SLC39A14: variants seen among roughly 807,000 people sequenced by gnomAD.
SLC39A14 encodes the protein solute carrier family 39 member 14, also known as metal cation symporter ZIP14.
Under a neutral mutation model 45.5 loss-of-function variants are expected in SLC39A14, and 19 were observed. That is an observed-to-expected ratio of 0.42 (90% CI 0.29 to 0.61). SLC39A14 has a LOEUF of 0.61. Ranked by LOEUF, SLC39A14 falls within the 20% of genes least tolerant of loss-of-function variation. The pLI is 0.22. For synonymous variants in SLC39A14, 264 were observed against 251.3 expected (o/e 1.05, Z -0.48); for missense variants, 447 against 616.5 (o/e 0.73, Z 2.91).
At chr8:22,379,944 A>G (rs1346437847) in intron 1 of SLC39A14, among the ~76,000 whole-genome samples, 23 of 135,938 alleles carry the variant, frequency 1.7e-4, no homozygotes, top group East Asian at 9.9e-4. Flanking sequence ...AAAAAAAAAA[A>G]AAAGAAAAGA....
Position 22,408,432 on chromosome 8 carries a change from C to T in SLC39A14, c.393C>T (p.Thr131=). Residue 131 remains threonine (T), a synonymous_variant, in exon 3 of 9, where the codon ACC becomes ACT. Coordinates refer to ENST00000381237, the MANE Select transcript of SLC39A14 (RefSeq NM_001128431.4). ...AGCAGCTGGATTCCCGGGCCTGCACCTCGGAGAACCAGGAAAACGAGGAGA... is the reference window on the plus strand; with the variant it reads ...AGCAGCTGGATTCCCGGGCCTGCACTTCGGAGAACCAGGAAAACGAGGAGA... ...ILQQLDSRAC[T]SENQENEENE... 6.2e-7 allele frequency: 1 copy of T among 1,614,206 alleles called. No homozygotes were observed. The highest frequency in any genetic ancestry group is 1.1e-5 in the South Asian group (1 of 91,084).
At position 22,416,165 on chromosome 8, in the gene SLC39A14, C is replaced by T. The variant is rs143460922; in HGVS notation, c.1032C>T (p.Asp344=). The T allele has an allele frequency of 1.8e-4, 294 of 1,614,086 alleles. No homozygotes were observed. In the African/African-American group the frequency reaches 2.9e-3, roughly 16 times the overall value. The change falls in exon 7 of 9, where the codon GAC becomes GAT. Residue 344 remains aspartate (D), a synonymous_variant. Coordinates refer to ENST00000381237, the MANE Select transcript of SLC39A14 (RefSeq NM_001128431.4). ...TGGCCTGGATGATCACTCTGAGCGA[C>T]GGCCTCCATAATTTCATCGATGGCC... ...GTLAWMITLS[D]GLHNFIDGLA... is the part of the protein sequence containing the mutation.
At position 22,422,465 on chromosome 8, in the gene SLC39A14, C is replaced by T; in HGVS notation, c.*2767C>T. ...CCTCTTCCAAAGAGATGGCAATATG[C>T]TGGGCATCTACTTTAAAACAAAGTT... is the stretch of plus-strand genomic sequence containing the variant. On this transcript the variant is annotated 3_prime_UTR_variant, in exon 9 of 9. Transcript: ENST00000381237. 2 of 985,834 alleles carry T rather than the reference C, an allele frequency of 2.0e-6. No homozygotes were observed. Among genetic ancestry groups the T allele is most frequent in the Non-Finnish European group, 2.4e-6 (2 of 829,930 alleles). The allele number at this position is 985,834 out of a possible 1,614,324, so 61.1% of individuals were successfully genotyped here. A position where few individuals can be genotyped will look rare whatever the true frequency, so the allele number is the denominator to read the frequency against.
intron 8 of SLC39A14, among the ~76,000 whole-genome samples, chr8:22,419,038 G>C (rs1001532031): frequency 2.0e-5 from 3 of 147,864 alleles, no homozygotes; most frequent in Non-Finnish European, 4.5e-5. Flanking sequence ...AAAAAAAAAA[G>C]TCTATAATAT....
rs955711219 is a variant in SLC39A14 at position 22,422,019 on chromosome 8, G to A, written c.*2321G>A. 1.3e-5 allele frequency: 13 copies of A among 985,426 alleles called. No individual in the cohort carries two copies. Among genetic ancestry groups the A allele is most frequent in the Non-Finnish European group, 1.1e-5 (9 of 829,916 alleles). 61.0% of individuals were successfully genotyped at this position (985,426 alleles called of 1,614,324 possible). On this transcript the variant is annotated 3_prime_UTR_variant, in exon 9 of 9. Transcript: ENST00000381237. ...ACGCTCACATCGTCTGACTTGAGTC[G>A]CCACTGATTGTGGCAACAGCTTTGC... is the stretch of plus-strand genomic sequence containing the variant.
intron 3 of SLC39A14, among the ~76,000 whole-genome samples, chr8:22,411,285 T>G (rs1272758023): frequency 6.6e-6 from 1 of 152,114 alleles, no homozygotes; most frequent in Non-Finnish European, 1.5e-5. Flanking sequence ...CTGGACAGAG[T>G]GTCACAACTG....
In SLC39A14 at chr8:22,393,300, G is replaced by A. The variant is rs990949858; in HGVS notation, c.-15-11396G>A. ...GGGAGAATGGGCCGATTAAGCCCCG[G>A]GGCAGGGCCAAGCGAGGGTTGGTTT... On this transcript the variant is annotated intron_variant, in intron 1 of 8. Coordinates refer to ENST00000381237, the MANE Select transcript of SLC39A14 (RefSeq NM_001128431.4). 4.8e-5 allele frequency: 45 copies of A among 931,154 alleles called. No homozygotes were observed. The African/African-American group carries it at 7.5e-4, about 15-fold the overall frequency. 57.7% of individuals were successfully genotyped at this position (931,154 alleles called of 1,614,324 possible). A position where few individuals can be genotyped will look rare whatever the true frequency, so the allele number is the denominator to read the frequency against.
At position 22,433,812 on chromosome 8, in the gene SLC39A14, T is replaced by C. The variant is rs544513367; in HGVS notation, c.1333-79T>C. 11 of 202,216 alleles carry C rather than the reference T, an allele frequency of 5.4e-5. No individual in the cohort carries two copies. The East Asian group carries it at 1.8e-3, about 32-fold the overall frequency. 12.5% of individuals were successfully genotyped at this position (202,216 alleles called of 1,614,324 possible). A position where few individuals can be genotyped will look rare whatever the true frequency, so the allele number is the denominator to read the frequency against. On this transcript the variant is annotated intron_variant, in intron 8 of 8. Coordinates refer to the SLC39A14 transcript ENST00000240095. ...CCTGAGCTCAAGTGATCTTCCCGCCTTGGCCTCCAAAGTGCTGAGATTACA... is the reference window on the plus strand; with the variant it reads ...CCTGAGCTCAAGTGATCTTCCCGCCCTGGCCTCCAAAGTGCTGAGATTACA...
chr8:22,429,142 G>A (rs921509083), intron 8 of SLC39A14, among the ~76,000 whole-genome samples: 11 of 152,076 alleles, frequency 7.2e-5, no homozygotes, highest in Non-Finnish European at 1.2e-4. Context: ...CGTGGTGGCG[G>A]GCACCTGTGG....
chr8:22,397,667 T>TC (rs1834583045), intron 1 of SLC39A14, among the ~76,000 whole-genome samples: 1 of 152,176 alleles, frequency 6.6e-6, no homozygotes, highest in East Asian at 1.9e-4. Context: ...TCAGGGTTTT[T>TC]CCCTACGCCT....
chr8:22,402,254 A>G (rs926113298), intron 1 of SLC39A14, among the ~76,000 whole-genome samples: 1 of 152,014 alleles, frequency 6.6e-6, no homozygotes, highest in Admixed American at 6.6e-5. Flanking sequence ...GCGTGGTGGC[A>G]GGTGCCTGTA....
downstream of SLC39A14, among the ~76,000 whole-genome samples, chr8:22,426,123 C>A (rs1235701872): frequency 6.6e-6 from 1 of 152,086 alleles, no homozygotes. Context: ...AACTCCCGAC[C>A]TCAGGTGATC....
intron 1 of SLC39A14, among the ~76,000 whole-genome samples, chr8:22,386,698 G>A (rs2132223156): frequency 1.3e-5 from 2 of 152,328 alleles, no homozygotes; most frequent in Admixed American, 1.3e-4. Context: ...TGGAAGCCCA[G>A]GTAAGAGATT....
intron 8 of SLC39A14, among the ~76,000 whole-genome samples, chr8:22,431,292 A>G (rs1375538017): frequency 2.6e-5 from 4 of 152,094 alleles, no homozygotes; most frequent in Admixed American, 2.6e-4. Flanking sequence ...TGGCCTATAT[A>G]GTGCTTTTCA....
At chr8:22,392,576 A>C (rs1184928145) in intron 1 of SLC39A14, among the ~76,000 whole-genome samples, 2 of 152,200 alleles carry the variant, frequency 1.3e-5, no homozygotes, top group Non-Finnish European at 2.9e-5. Context: ...CTTGGACGAC[A>C]GGGAGAATTT....
chr8:22,379,558 A>G (rs1304072365), intron 1 of SLC39A14: 5 of 152,278 alleles, frequency 3.3e-5, no homozygotes, highest in Admixed American at 3.3e-4. Context: ...CTTAAGATCC[A>G]GACACTTTGC....
At chr8:22,369,979 A>G (rs568858927) in intron 1 of SLC39A14, among the ~76,000 whole-genome samples, 1 of 152,270 alleles carries the variant, frequency 6.6e-6, no homozygotes, top group African/African-American at 2.4e-5. Context: ...GTGGCCTGCC[A>G]GGGATTGTCC....
intron 1 of SLC39A14, among the ~76,000 whole-genome samples, chr8:22,368,140 A>G (rs1832736671): frequency 6.6e-6 from 1 of 152,126 alleles, no homozygotes; most frequent in African/African-American, 2.4e-5. Flanking sequence ...GGCTTCTCTA[A>G]ACAGTTAAAG....
chr8:22,373,290 T>C (rs1833033772), intron 1 of SLC39A14, among the ~76,000 whole-genome samples: 1 of 151,150 alleles, frequency 6.6e-6, no homozygotes, highest in South Asian at 2.1e-4. Context: ...TCATGAAAAA[T>C]AACTATATTT....
Sources: allele counts gnomAD v4.1 joint callset (sites outside exome capture counted in the v4.1 genomes callset), GRCh38; gene constraint gnomAD v4.1.1; transcripts MANE v1.5; gene names NCBI Gene and HGNC (gene_info 2026-07-23, HGNC 2026-07-21).